HOMER2: variants seen among roughly 807,000 people sequenced by gnomAD.
HOMER2 encodes homer scaffold protein 2, also known as homer protein homolog 2.
Under a neutral mutation model 47.0 loss-of-function variants are expected in HOMER2, and 27 were observed. The ratio of observed to expected loss-of-function variants is 0.57; its 90% CI spans 0.42 to 0.79. The LOEUF (loss-of-function observed/expected upper bound fraction) is 0.79, where lower values mean the gene tolerates loss of function less well. HOMER2 is among the 30% of genes least tolerant of loss of function. HOMER2 has a pLI of 0.00. For missense variants in HOMER2, 443 were observed against 435.0 expected, an observed-to-expected ratio of 1.02 and a Z score of -0.16; for synonymous variants, 161 against 163.8, an observed-to-expected ratio of 0.98 and a Z score of 0.13.
chr15:82,973,052 T>A (rs1316164001), intron 1 of HOMER2, among the ~76,000 whole-genome samples: 1 of 152,148 alleles, frequency 6.6e-6, no homozygotes, highest in Non-Finnish European at 1.5e-5. Flanking sequence ...CAGGAATAAG[T>A]CAAAGTAAAA....
chr15:82,938,414 C>T (rs1163412061), intron 1 of HOMER2, among the ~76,000 whole-genome samples: 1 of 152,112 alleles, frequency 6.6e-6, no homozygotes, highest in African/African-American at 2.4e-5. Flanking sequence ...GCTCCTATGC[C>T]CCTCTTCTGG....
intron 4 of HOMER2, among the ~76,000 whole-genome samples, chr15:82,861,140 T>C (rs1171269878): frequency 1.3e-5 from 2 of 152,210 alleles, no homozygotes; most frequent in Admixed American, 6.5e-5. Flanking sequence ...TAGAATGGTG[T>C]ATTTCTGCAG....
chr15:82,934,483 G>A (rs1355331609), intron 1 of HOMER2, among the ~76,000 whole-genome samples: 4 of 149,960 alleles, frequency 2.7e-5, no homozygotes, highest in Non-Finnish European at 3.0e-5. Flanking sequence ...CTTGCTTCCC[G>A]CCCACACCAC....
At chr15:82,835,966 T>G (rs1367866620), downstream of HOMER2, 1 of 152,260 alleles carries the variant, frequency 6.6e-6, no homozygotes, top group East Asian at 1.9e-4. Flanking sequence ...ATTTATAATT[T>G]CAGTATTTTG....
intron 1 of HOMER2, among the ~76,000 whole-genome samples, chr15:82,983,289 T>C (rs901217633): frequency 4.6e-5 from 7 of 152,222 alleles, no homozygotes; most frequent in Non-Finnish European, 8.8e-5. Context: ...CAACAATCGT[T>C]AAGTCAAACA....
At chr15:82,962,343 C>G (rs181536377) in intron 1 of HOMER2, among the ~76,000 whole-genome samples, 1 of 135,450 alleles carries the variant, frequency 7.4e-6, no homozygotes, top group East Asian at 2.1e-4. Flanking sequence ...CCAGCCTGGG[C>G]GACAGAGCGA....
intron 5 of HOMER2, among the ~76,000 whole-genome samples, chr15:82,857,554 C>T (rs932170120): frequency 6.6e-6 from 1 of 151,160 alleles, no homozygotes; most frequent in African/African-American, 2.4e-5. Context: ...CCTCAGCCTC[C>T]TGAGTAGCTG....
chr15:82,882,456 C>T (rs1284704190), intron 2 of HOMER2, among the ~76,000 whole-genome samples: 1 of 152,250 alleles, frequency 6.6e-6, no homozygotes, highest in Non-Finnish European at 1.5e-5. Context: ...CATGGATCCA[C>T]ATAATCCCCT....
intron 3 of HOMER2, among the ~76,000 whole-genome samples, chr15:82,869,673 G>A (rs2052115383): frequency 6.6e-6 from 1 of 151,822 alleles, no homozygotes. Context: ...GGCCAGGCTG[G>A]TCTCGAACTC....
chr15:82,872,674 C>CA (rs1254790109), intron 3 of HOMER2, among the ~76,000 whole-genome samples: 1 of 152,194 alleles, frequency 6.6e-6, no homozygotes, highest in Non-Finnish European at 1.5e-5. Context: ...TTCCCTCACA[C>CA]ACCTCACAGT....
intron 2 of HOMER2, among the ~76,000 whole-genome samples, chr15:82,890,320 C>T (rs556747569): frequency 2.6e-5 from 4 of 152,198 alleles, no homozygotes; most frequent in Admixed American, 6.5e-5. Flanking sequence ...CCAGCCTAGG[C>T]GACAAAGTGA....
At chr15:82,911,169 TCTCC>T (rs890230986) in intron 1 of HOMER2, among the ~76,000 whole-genome samples, 3 of 152,194 alleles carry the variant, frequency 2.0e-5, no homozygotes, top group Non-Finnish European at 2.9e-5. Context: ...TCTAGCTCTC[TCTCC>T]CTATTACCAT....
intron 1 of HOMER2, among the ~76,000 whole-genome samples, chr15:82,943,455 G>C (rs1049538939): frequency 1.3e-5 from 2 of 152,150 alleles, no homozygotes; most frequent in African/African-American, 4.8e-5. Flanking sequence ...ACCTCCACTG[G>C]GAGCTCCTTT....
intron 2 of HOMER2, 66 bp downstream of exon 2, chr15:82,892,619 T>C: frequency 7.8e-7 from 1 of 1,274,278 alleles, no homozygotes; most frequent in South Asian, 2.2e-5. Context: ...GACGGCAGGA[T>C]TTTGGGTGCA....
downstream of HOMER2, chr15:82,848,869 A>T (rs529044251): frequency 6.6e-6 from 1 of 152,312 alleles, no homozygotes; most frequent in African/African-American, 2.4e-5. Context: ...GGGTTTGACC[A>T]GACAGTGGTA....
intron 1 of HOMER2, among the ~76,000 whole-genome samples, chr15:82,902,163 C>G (rs971538737): frequency 6.6e-6 from 1 of 151,496 alleles, no homozygotes; most frequent in Admixed American, 6.6e-5. Flanking sequence ...CACATATGAA[C>G]TCCACAAGCT....
chr15:82,869,126 G>C (rs1298964511), intron 3 of HOMER2, among the ~76,000 whole-genome samples: 1 of 152,112 alleles, frequency 6.6e-6, no homozygotes, highest in Non-Finnish European at 1.5e-5. Context: ...TCCCTGCTTT[G>C]CAGGAGCAGC....
rs371977171 is a variant in HOMER2 at position 82,910,911 on chromosome 15, G to A, written c.6-18070C>T. ...GAAGGCTGCTCCACACAACTTTTCCGTTTCTCTTCTTAAGGAGTAAGGGAG... is the reference window on the plus strand; with the variant it reads ...GAAGGCTGCTCCACACAACTTTTCCATTTCTCTTCTTAAGGAGTAAGGGAG... On this transcript the variant is annotated intron_variant, in intron 1 of 8. Coordinates refer to ENST00000450735, the MANE Select transcript of HOMER2 (RefSeq NM_004839.4). 9.4e-5 allele frequency among the ~76,000 whole-genome samples: 13 copies of A among 138,908 alleles called. 1 individual carries two copies. In the South Asian group the frequency reaches 1.9e-3, roughly 20 times the overall value. 91.1% of individuals were successfully genotyped at this position (138,908 alleles called of 152,430 possible). A position where few individuals can be genotyped will look rare whatever the true frequency, so the allele number is the denominator to read the frequency against.
At chr15:82,969,040 A>G (rs569822233) in intron 1 of HOMER2, among the ~76,000 whole-genome samples, 7 of 152,326 alleles carry the variant, frequency 4.6e-5, no homozygotes, top group Admixed American at 3.3e-4. Flanking sequence ...GTTTTTTCTG[A>G]TTAGAAAAGG....
Sources: gnomAD v4.1 joint callset for allele counts (sites outside exome capture counted in the v4.1 genomes callset) on GRCh38, gnomAD v4.1.1 for gene constraint, MANE v1.5 for transcripts, NCBI Gene and HGNC (gene_info 2026-07-23, HGNC 2026-07-21) for gene names.